The following BCS1L variants were observed in gnomAD, a reference collection of about 807,000 sequenced individuals.
The protein encoded by BCS1L is BCS1 ubiquinol-cytochrome c reductase complex chaperone, also known as mitochondrial chaperone BCS1.
A neutral mutation model predicts 49.3 loss-of-function variants in BCS1L; 38 were observed. The observed-to-expected ratio is 0.77, with a 90% confidence interval of 0.59 to 1.01. BCS1L has a LOEUF of 1.01. BCS1L is among the 50% of genes least tolerant of loss of function. BCS1L has a pLI of 0.00. For synonymous variants in BCS1L, 193 were observed against 210.1 expected, an observed-to-expected ratio of 0.92 and a Z score of 0.70; for missense variants, 394 against 540.2, an observed-to-expected ratio of 0.73 and a Z score of 2.68.
chr2:218,661,814 G>A lies in BCS1L; in HGVS notation c.516G>A (p.Val172=). The change falls in exon 4 of 8, where the codon GTG becomes GTA. Residue 172 remains valine (V), a synonymous_variant. Coordinates refer to ENST00000359273, the MANE Select transcript of BCS1L (RefSeq NM_001079866.2). This position sits in a 1 kb window ranked among gnomAD's most constrained non-coding sequence, Gnocchi z 5.9. The part of the protein sequence containing the change: ...EEGKTVMYTA[V]GSEWRPFGYP... ...GGAAGACCGTGATGTACACAGCTGT[G>A]GGCTCTGAATGGCGTCCCTTTGGCT... 2 of 1,614,166 alleles carry A rather than the reference G, an allele frequency of 1.2e-6. No homozygotes were observed. The highest frequency in any genetic ancestry group is 3.3e-5 in the Admixed American group (2 of 60,026).
At position 218,662,819 on chromosome 2, in the gene BCS1L, G is replaced by A. The variant is rs1258932243; in HGVS notation, c.890-64G>A. ...ACATGGATAAGTAGGGGAACATAGT[G>A]GGGCATGCTAATTTTATGCTGGGCT... On this transcript the variant is annotated intron_variant, in intron 6 of 7. Transcript: ENST00000359273. The surrounding 1 kb of genome is among the most constrained non-coding windows in gnomAD (Gnocchi z 5.8). 6.9e-5 allele frequency: 110 copies of A among 1,582,838 alleles called. 1 individual carries two copies. In the East Asian group the frequency reaches 2.4e-3, roughly 35 times the overall value.
intron 1 of BCS1L, chr2:218,660,423 T>TC: frequency 1.3e-5 from 2 of 152,762 alleles, no homozygotes; most frequent in Admixed American, 6.4e-5. Flanking sequence ...AAGCAGGAGG[T>TC]GAAGACCTAT....
In BCS1L at chr2:218,660,972, G is replaced by A; in HGVS notation, c.-16G>A. 1 of 1,613,110 alleles carries A rather than the reference G, an allele frequency of 6.2e-7. No individual in the cohort carries two copies. Among genetic ancestry groups the A allele is most frequent in the Non-Finnish European group, 8.5e-7 (1 of 1,179,912 alleles). ...AACACCCCAGGGCCTGTAAGGTTTG[G>A]TGTTTCCCTTTCAAGATGCCACTTT... On this transcript the variant is annotated 5_prime_UTR_variant, in exon 2 of 8. It adds an upstream start codon to the 5' untranslated region. Coordinates refer to ENST00000359273, the MANE Select transcript of BCS1L (RefSeq NM_001079866.2).
intron 1 of BCS1L, chr2:218,660,730 G>A (rs558689075): frequency 2.0e-6 from 1 of 501,474 alleles, no homozygotes. Flanking sequence ...TCCAGACATG[G>A]TCCTCTGGTA....
At position 218,661,974 on chromosome 2, in the gene BCS1L, TGGC is replaced by T; in HGVS notation, c.655+22_655+24del. 1 of 1,612,376 alleles carries T rather than the reference TGGC, an allele frequency of 6.2e-7. No homozygotes were observed. Among genetic ancestry groups the T allele is most frequent in the Non-Finnish European group, 8.5e-7 (1 of 1,178,980 alleles). Reference sequence around the variant, plus strand: ...CAGAGGTGAGAAGCAGCTGGGGTCTTGGCTGTGCTGTTTTTGACATTTTTAGAA... The same window carrying T: ...CAGAGGTGAGAAGCAGCTGGGGTCTTTGTGCTGTTTTTGACATTTTTAGAA... On this transcript the variant is annotated intron_variant, in intron 4 of 7. Coordinates refer to ENST00000359273, the MANE Select transcript of BCS1L (RefSeq NM_001079866.2). The surrounding 1 kb of genome is among the most constrained non-coding windows in gnomAD (Gnocchi z 5.9).
At position 218,662,237 on chromosome 2, in the gene BCS1L, T is replaced by G. The variant is rs1939546815; in HGVS notation, c.696T>G (p.Pro232=). The change falls in exon 5 of 8, where the codon CCT becomes CCG. Residue 232 remains proline (P), a synonymous_variant. Transcript: ENST00000359273. The surrounding 1 kb of genome is among the most constrained non-coding windows in gnomAD (Gnocchi z 5.8). ...YRRGYLLYGP[P]GCGKSSFITA... ...GTGGCTACCTGCTTTATGGGCCCCC[T>G]GGTTGCGGAAAGAGCAGTTTTATGT... is the stretch of plus-strand genomic sequence containing the variant. 6.2e-7 allele frequency: 1 copy of G among 1,614,078 alleles called. No individual in the cohort carries two copies. The highest frequency in any genetic ancestry group is 2.2e-5 in the East Asian group (1 of 44,890).
chr2:218,660,765 G>A, intron 1 of BCS1L, 174 bp from the exon 2 acceptor site: 1 of 578,932 alleles, frequency 1.7e-6, no homozygotes, highest in East Asian at 2.9e-5. Flanking sequence ...GTAGACTAAT[G>A]AAGGACAAAA....
intron 1 of BCS1L, 40 bp from the exon 2 acceptor site, chr2:218,660,899 A>G: frequency 1.4e-6 from 2 of 1,464,888 alleles, no homozygotes; most frequent in Non-Finnish European, 1.9e-6. Context: ...CCAATTTCTA[A>G]TCTGTGCTTT....
intron 1 of BCS1L, 62 bp from the exon 2 acceptor site, chr2:218,660,877 G>A: frequency 8.1e-6 from 10 of 1,240,158 alleles, no homozygotes; most frequent in Non-Finnish European, 1.2e-5. Context: ...CTGTGGCCAG[G>A]GCTGGGGAGG....
At position 218,661,750 on chromosome 2, in the gene BCS1L, C is replaced by G. The variant is rs780651750; in HGVS notation, c.461-9C>G. The G allele has an allele frequency of 1.2e-6, 2 of 1,608,118 alleles. No homozygotes were observed. The highest frequency in any genetic ancestry group is 8.5e-7 in the Non-Finnish European group (1 of 1,175,472). ...AATTATTGGCTTTATCTCATCTTCTCCTTCCCAGCTCGAGAGCTAGCCTTG... is the reference window on the plus strand; with the variant it reads ...AATTATTGGCTTTATCTCATCTTCTGCTTCCCAGCTCGAGAGCTAGCCTTG... On this transcript the variant is annotated splice_polypyrimidine_tract_variant and intron_variant, in intron 3 of 7. Transcript: ENST00000359273. This position sits in a 1 kb window ranked among gnomAD's most constrained non-coding sequence, Gnocchi z 5.9.
Position 218,660,949 on chromosome 2 carries a change from C to T in BCS1L, c.-39C>T. On this transcript the variant is annotated 5_prime_UTR_variant, in exon 2 of 8. Transcript: ENST00000359273. ...GTTCCCCACCCCTAGGTTTTCGTAA[C>T]ACCCCAGGGCCTGTAAGGTTTGGTG... is the stretch of plus-strand genomic sequence containing the variant. The T allele has an allele frequency of 6.2e-7, 1 of 1,608,020 alleles. No individual in the cohort carries two copies. Among genetic ancestry groups the T allele is most frequent in the Non-Finnish European group, 8.5e-7 (1 of 1,176,460 alleles).
At chr2:218,660,436 A>G in intron 1 of BCS1L, 1 of 161,290 alleles carries the variant, frequency 6.2e-6, no homozygotes. Flanking sequence ...AGACCTATTA[A>G]AATGCCATTT....
chr2:218,662,442 G>T lies in BCS1L; in HGVS notation c.720-68G>T. ...GAGACACATGTCCCCAGGCGGTGAG[G>T]AGAGTAGCTGGGCCTGAGGAAGCAT... On this transcript the variant is annotated intron_variant, in intron 5 of 7. Coordinates refer to ENST00000359273, the MANE Select transcript of BCS1L (RefSeq NM_001079866.2). This position sits in a 1 kb window ranked among gnomAD's most constrained non-coding sequence, Gnocchi z 5.8. 1.9e-6 allele frequency: 3 copies of T among 1,597,980 alleles called. No homozygotes were observed. In the Admixed American group the frequency reaches 5.0e-5, roughly 27 times the overall value.
In BCS1L at chr2:218,662,344, A is replaced by G. The variant is rs1939560376; in HGVS notation, c.719+84A>G. 6.6e-7 allele frequency: 1 copy of G among 1,520,358 alleles called. No individual in the cohort carries two copies. Among genetic ancestry groups the G allele is most frequent in the Admixed American group, 1.7e-5 (1 of 59,850 alleles). 94.2% of individuals were successfully genotyped at this position (1,520,358 alleles called of 1,614,324 possible). A position where few individuals can be genotyped will look rare whatever the true frequency, so the allele number is the denominator to read the frequency against. The stretch of plus-strand genomic sequence containing the variant: ...CTGATAGGGTTGGAAGGGGAAATGA[A>G]TCTGGGGATCGGGGACCAGGATAAA... On this transcript the variant is annotated intron_variant, in intron 5 of 7. Transcript: ENST00000359273. The surrounding 1 kb of genome is among the most constrained non-coding windows in gnomAD (Gnocchi z 5.8).
In BCS1L at chr2:218,662,859, T is replaced by C. The variant is rs1221862442; in HGVS notation, c.890-24T>C. 2 of 1,609,256 alleles carry C rather than the reference T, an allele frequency of 1.2e-6. No homozygotes were observed. Among genetic ancestry groups the C allele is most frequent in the Non-Finnish European group, 1.7e-6 (2 of 1,175,684 alleles). On this transcript the variant is annotated intron_variant, in intron 6 of 7. Transcript: ENST00000359273. This position sits in a 1 kb window ranked among gnomAD's most constrained non-coding sequence, Gnocchi z 5.8. ...TATGCTGGGCTATGACTACTCATGC[T>C]TCCTTATCTTTGCCTTCCTCCAGAC...
rs1939483804 is a variant in BCS1L at position 218,661,805 on chromosome 2, C to G, written c.507C>G (p.Tyr169Ter). 6.2e-7 allele frequency: 1 copy of G among 1,613,854 alleles called. No homozygotes were observed. Among genetic ancestry groups the G allele is most frequent in the Admixed American group, 1.7e-5 (1 of 60,006 alleles). ...LQQEEGKTVMYTAVGSEWRPF... is the reference protein window; with the variant it reads ...LQQEEGKTVM The stretch of plus-strand genomic sequence containing the variant: ...AGGAGGAAGGGAAGACCGTGATGTA[C>G]ACAGCTGTGGGCTCTGAATGGCGTC... Residue 169 changes from tyrosine to a stop codon, truncating the protein, a stop_gained, in exon 4 of 8, where the codon TAC (tyrosine) becomes TAG (stop). Coordinates refer to ENST00000359273, the MANE Select transcript of BCS1L (RefSeq NM_001079866.2). LOFTEE classifies it high-confidence loss of function. The surrounding 1 kb of genome is among the most constrained non-coding windows in gnomAD (Gnocchi z 5.9).
rs746064904 is a variant in BCS1L, at chr2:218,662,287, T to G, written c.719+27T>G. On this transcript the variant is annotated intron_variant, in intron 5 of 7. Transcript: ENST00000359273. This position sits in a 1 kb window ranked among gnomAD's most constrained non-coding sequence, Gnocchi z 5.8. ...TGAGTATTCAAAATTTCTCTCAACT[T>G]GGCAAAACGAAGCCTTTGTGGAAAC... The G allele has an allele frequency of 6.2e-7, 1 of 1,603,882 alleles. No homozygotes were observed. The highest frequency in any genetic ancestry group is 8.5e-7 in the Non-Finnish European group (1 of 1,170,760).
chr2:218,660,730 G>T (rs558689075), intron 1 of BCS1L: 7 of 501,356 alleles, frequency 1.4e-5, no homozygotes, highest in Non-Finnish European at 2.2e-5. Flanking sequence ...TCCAGACATG[G>T]TCCTCTGGTA....
At position 218,663,141 on chromosome 2, in the gene BCS1L, C is replaced by T; in HGVS notation, c.1015C>T (p.Pro339Ser). The change falls in exon 8 of 8, where the codon CCT becomes TCT. Residue 339 changes from proline to serine, a missense_variant. Transcript: ENST00000359273. ...MTTNHVDRLD[P>S]ALIRPGRVDL... Reference sequence around the variant, plus strand: ...TTCCCTGTCTTCTCTCAGGCTGGACCCTGCCCTGATACGCCCGGGGCGAGT... The same window carrying T: ...TTCCCTGTCTTCTCTCAGGCTGGACTCTGCCCTGATACGCCCGGGGCGAGT... The T allele has an allele frequency of 6.2e-7, 1 of 1,614,184 alleles. No homozygotes were observed. Among genetic ancestry groups the T allele is most frequent in the South Asian group, 1.1e-5 (1 of 91,084 alleles).
Sources: gnomAD v4.1 joint callset for allele counts on GRCh38, gnomAD v4.1.1 for gene constraint, Gnocchi (gnomAD v3.1) non-coding constraint, MANE v1.5 for transcripts, NCBI Gene and HGNC (gene_info 2026-07-23, HGNC 2026-07-21) for gene names.